KCNU1: variants seen among roughly 807,000 people sequenced by gnomAD.
KCNU1 encodes potassium channel subfamily U member 1.
A neutral mutation model predicts 126.8 loss-of-function variants in KCNU1; 93 were observed. The ratio of observed to expected loss-of-function variants is 0.73; its 90% confidence interval spans 0.62 to 0.87. The LOEUF (loss-of-function observed/expected upper bound fraction) is 0.87, where lower values mean the gene tolerates loss of function less well. Ranked by LOEUF, KCNU1 falls within the 40% of genes least tolerant of loss-of-function variation. The probability of loss-of-function intolerance (pLI) is 0.00; values close to 1 mark genes in which losing one functional copy is unlikely to be tolerated. For synonymous variants in KCNU1, 523 were observed against 494.2 expected, an observed-to-expected ratio of 1.06 and a Z score of -0.77; for missense variants, 1,330 against 1,367.1, an observed-to-expected ratio of 0.97 and a Z score of 0.43.
intron 16 of KCNU1, among the ~76,000 whole-genome samples, chr8:36,844,558 C>T (rs779507306): frequency 1.8e-4 from 28 of 152,148 alleles, no homozygotes; most frequent in Non-Finnish European, 1.9e-4. Flanking sequence ...CATCCATTGT[C>T]TGAGGTAGTA....
intron 2 of KCNU1, among the ~76,000 whole-genome samples, chr8:36,794,355 T>A (rs1803015821): frequency 6.6e-6 from 1 of 152,122 alleles, no homozygotes; most frequent in Non-Finnish European, 1.5e-5. Context: ...GTTTCATTAG[T>A]CTCATGAAAA....
chr8:36,789,479 CCTTTGTAATT>C (rs1802827894), intron 2 of KCNU1, among the ~76,000 whole-genome samples: 1 of 152,112 alleles, frequency 6.6e-6, no homozygotes, highest in Non-Finnish European at 1.5e-5. Flanking sequence ...TTCTTTCCTT[CCTTTGTAATT>C]CTTTTACTTC....
intron 1 of KCNU1, among the ~76,000 whole-genome samples, chr8:36,786,327 T>C (rs866421132): frequency 2.6e-5 from 4 of 152,218 alleles, no homozygotes; most frequent in Non-Finnish European, 2.9e-5. Context: ...ATTAATGTCA[T>C]ACCTAGGATT....
intron 18 of KCNU1, among the ~76,000 whole-genome samples, chr8:36,861,859 G>A (rs375676201): frequency 6.6e-6 from 1 of 152,152 alleles, no homozygotes; most frequent in Non-Finnish European, 1.5e-5. Flanking sequence ...TTCCAGAAAA[G>A]GAAAGATTTG....
At position 36,935,750 on chromosome 8, in the gene KCNU1, C is replaced by T; in HGVS notation, c.3280C>T (p.Pro1094Ser). Residue 1094 changes from proline (P) to serine (S), a missense_variant, in exon 27 of 27, where the codon CCG (proline) becomes TCG (serine). By Grantham distance (74) the Pro-to-Ser change is moderately conservative. Transcript: ENST00000399881. ...GTATTCACCAGTCTATTCTTACCAG[C>T]CGAGAACTAACTCCCTCTCTTTTCC... Reference protein sequence around the residue: ...TLYSPVYSYQPRTNSLSFPKQ... With the variant: ...TLYSPVYSYQSRTNSLSFPKQ... The T allele has an allele frequency of 1.2e-6, 2 of 1,613,440 alleles. No individual in the cohort carries two copies. Among genetic ancestry groups the T allele is most frequent in the Non-Finnish European group, 1.7e-6 (2 of 1,179,534 alleles).
intron 9 of KCNU1, among the ~76,000 whole-genome samples, chr8:36,817,111 C>T (rs767725971): frequency 2.0e-5 from 3 of 152,154 alleles, no homozygotes. Context: ...AAATGTTTGG[C>T]TTCATATTCT....
intron 19 of KCNU1, among the ~76,000 whole-genome samples, chr8:36,883,566 T>G (rs541994628): frequency 6.6e-6 from 1 of 152,248 alleles, no homozygotes; most frequent in African/African-American, 2.4e-5. Flanking sequence ...GGAGGATCAC[T>G]TGAGCCCAGG....
At chr8:36,789,108 CA>C in intron 2 of KCNU1, among the ~76,000 whole-genome samples, 1 of 152,222 alleles carries the variant, frequency 6.6e-6, no homozygotes, top group Admixed American at 6.5e-5. Context: ...TGTAATCTAG[CA>C]CTTTGAGAGG....
chr8:36,802,033 C>T (rs1199430065), intron 2 of KCNU1, among the ~76,000 whole-genome samples: 1 of 145,258 alleles, frequency 6.9e-6, no homozygotes, highest in Non-Finnish European at 1.5e-5. Context: ...TGCTTGAAAC[C>T]GGAAGGCGGA....
At chr8:36,860,089 T>A (rs994011337) in intron 18 of KCNU1, among the ~76,000 whole-genome samples, 10 of 152,048 alleles carry the variant, frequency 6.6e-5, no homozygotes, top group South Asian at 2.1e-4. Flanking sequence ...TGATTTTTTT[T>A]AAATTTGAGA....
chr8:36,857,476 G>A (rs1461371858), intron 18 of KCNU1, among the ~76,000 whole-genome samples: 1 of 152,190 alleles, frequency 6.6e-6, no homozygotes, highest in Non-Finnish European at 1.5e-5. Context: ...CCAGAATGAA[G>A]CTTTTATCAC....
chr8:36,841,785 T>C (rs16885496), intron 16 of KCNU1, among the ~76,000 whole-genome samples: 1,628 of 151,938 alleles, frequency 0.011, 40 homozygotes, highest in African/African-American at 0.037. Context: ...GTTGATAGAG[T>C]TGATAAAGGA....
intron 9 of KCNU1, among the ~76,000 whole-genome samples, chr8:36,817,096 A>C (rs1381747651): frequency 6.6e-6 from 1 of 152,206 alleles, no homozygotes; most frequent in Non-Finnish European, 1.5e-5. Context: ...AGCTGGGTGC[A>C]ATTTAAATGT....
chr8:36,910,909 T>G, intron 21 of KCNU1, 21 bp from the exon 22 acceptor site: 1 of 1,523,260 alleles, frequency 6.6e-7, no homozygotes, highest in Non-Finnish European at 9.0e-7. Flanking sequence ...CAGTGCCTCC[T>G]CTCTCTTTTC....
intron 20 of KCNU1, among the ~76,000 whole-genome samples, chr8:36,906,864 G>A (rs1807649766): frequency 6.6e-6 from 1 of 152,076 alleles, no homozygotes. Flanking sequence ...GTCTTATTCT[G>A]AACTGTACGA....
intron 18 of KCNU1, among the ~76,000 whole-genome samples, chr8:36,846,529 C>A (rs1218919993): frequency 6.6e-6 from 1 of 152,168 alleles, no homozygotes; most frequent in African/African-American, 2.4e-5. Context: ...CTCAGTCGGG[C>A]ACGGTGGCTC....
intron 13 of KCNU1, 31 bp downstream of exon 13, chr8:36,836,396 CTCCTTT>C (rs1221961770): frequency 7.2e-7 from 1 of 1,385,066 alleles, no homozygotes; most frequent in African/African-American, 1.4e-5. Context: ...ATTCCATCTC[CTCCTTT>C]TATCTATATA....
At position 36,932,872 on chromosome 8, in the gene KCNU1, C is replaced by T. The variant is rs1376769154; in HGVS notation, c.2932-48C>T. 3 of 1,091,676 alleles carry T rather than the reference C, an allele frequency of 2.7e-6. No homozygotes were observed. The East Asian group carries it at 7.7e-5, about 28-fold the overall frequency. 67.6% of individuals were successfully genotyped at this position (1,091,676 alleles called of 1,614,324 possible). On this transcript the variant is annotated intron_variant, in intron 25 of 26. Coordinates refer to ENST00000399881, the MANE Select transcript of KCNU1 (RefSeq NM_001031836.3). ...ACACTCCAGTGAGTGCTTATAATTG[C>T]TTGATCAAAGTGCCCAGCAGACATA...
chr8:36,799,006 C>T (rs1803206731), intron 2 of KCNU1, among the ~76,000 whole-genome samples: 1 of 152,188 alleles, frequency 6.6e-6, no homozygotes, highest in Admixed American at 6.5e-5. Context: ...TTTTAAACTA[C>T]TAAATTTTGA....
Sources: gnomAD v4.1 joint callset for allele counts (sites outside exome capture counted in the v4.1 genomes callset) on GRCh38, gnomAD v4.1.1 for gene constraint, MANE v1.5 for transcripts, NCBI Gene and HGNC (gene_info 2026-07-23, HGNC 2026-07-21) for gene names.